PDE4D: variants seen among roughly 807,000 people sequenced by gnomAD.
PDE4D encodes the protein phosphodiesterase 4D.
A neutral mutation model predicts 87.4 loss-of-function variants in PDE4D; 24 were observed. That is an observed-to-expected ratio of 0.27 (90% confidence interval 0.20 to 0.39). The LOEUF is 0.39. Among genes scored for constraint, PDE4D ranks in the 10% least tolerant of loss-of-function variants. The pLI is 1.00. For synonymous variants in PDE4D, 384 were observed against 383.2 expected, an observed-to-expected ratio of 1.00 and a Z score of -0.02; for missense variants, 714 against 1,041.0, an observed-to-expected ratio of 0.69 and a Z score of 4.32.
intron 1 of PDE4D, among the ~76,000 whole-genome samples, chr5:60,217,665 T>C (rs1744016677): frequency 6.6e-6 from 1 of 151,886 alleles, no homozygotes; most frequent in African/African-American, 2.4e-5. Flanking sequence ...ATTTGATTTT[T>C]TTACATATTT....
intron 5 of PDE4D, among the ~76,000 whole-genome samples, chr5:59,161,568 TGTG>T (rs1361689667): frequency 1.3e-5 from 2 of 152,152 alleles, no homozygotes. Context: ...ACTTAAGGTC[TGTG>T]GTGATGTTAA....
chr5:58,996,968 G>C lies in PDE4D; in HGVS notation c.922-3503C>G, dbSNP rs531217302. ...GTTTAAAACACAAAAACATGGATTG[G>C]AGAAATCCTCCATCACATGCCCACC... On this transcript the variant is annotated intron_variant, in intron 6 of 14. Transcript: ENST00000340635. Among the ~76,000 whole-genome samples, 191 of 152,142 alleles carry C rather than the reference G, an allele frequency of 1.3e-3. 1 individual carries two copies. In the Middle Eastern group the frequency reaches 0.014, roughly 11 times the overall value.
intron 1 of PDE4D, chr5:59,586,630 C>G: frequency 8.3e-7 from 1 of 1,209,960 alleles, no homozygotes; most frequent in Non-Finnish European, 1.0e-6. Context: ...TTAGGTTCCA[C>G]TAGTTAGTCA....
intron 1 of PDE4D, among the ~76,000 whole-genome samples, chr5:60,507,578 T>TTGCC (rs1318361592): frequency 6.6e-6 from 1 of 152,200 alleles, no homozygotes; most frequent in African/African-American, 2.4e-5. Context: ...CATACCAATT[T>TTGCC]ATACTGCCAC....
intron 1 of PDE4D, among the ~76,000 whole-genome samples, chr5:60,231,912 TAAAC>T (rs1166323070): frequency 6.6e-6 from 1 of 151,928 alleles, no homozygotes; most frequent in African/African-American, 2.4e-5. Context: ...AAAAATGAGT[TAAAC>T]AGACAATAAA....
chr5:59,506,458 T>G (rs1212778005), intron 1 of PDE4D, among the ~76,000 whole-genome samples: 1 of 152,048 alleles, frequency 6.6e-6, no homozygotes, highest in Admixed American at 6.6e-5. Context: ...AATCAACAGG[T>G]ATATAGTTTA....
rs148499684 is a variant in PDE4D, at chr5:60,271,040, C to T, written c.-89-85353G>A. ...AGTTGATGTTCTCTTCATTTTAGTA[C>T]GAGGTTACTATTATTTTCTATAGCC... On this transcript the variant is annotated intron_variant, in intron 1 of 16. Coordinates refer to the PDE4D transcript ENST00000502484. Among the ~76,000 whole-genome samples, 937 of 152,154 alleles carry T rather than the reference C, an allele frequency of 6.2e-3. 9 individuals are homozygous for T. The highest frequency in any genetic ancestry group is 0.022 in the African/African-American group (896 of 41,520).
chr5:59,991,438 A>G (rs1762997796), intron 2 of PDE4D, among the ~76,000 whole-genome samples: 1 of 152,168 alleles, frequency 6.6e-6, no homozygotes, highest in Admixed American at 6.6e-5. Context: ...AATGGCTTGG[A>G]GATATCAGAA....
chr5:59,598,176 T>C (rs939420643), intron 1 of PDE4D, among the ~76,000 whole-genome samples: 1 of 152,180 alleles, frequency 6.6e-6, no homozygotes. Context: ...TGATTTTATC[T>C]GTTGTTTTTA....
chr5:59,865,116 C>T (rs1208620769), intron 1 of PDE4D, among the ~76,000 whole-genome samples: 1 of 152,178 alleles, frequency 6.6e-6, no homozygotes, highest in African/African-American at 2.4e-5. Context: ...ACATTTCTTT[C>T]TGGGAGTGAA....
In PDE4D at chr5:60,200,511, T is replaced by C. The variant is rs1741779012; in HGVS notation, c.-89-14824A>G. On this transcript the variant is annotated intron_variant, in intron 1 of 16. Transcript: ENST00000502484. ...TTAATGGGAACAATGGCTCTACAGC[T>C]AGAATCTAGAGCTAGAAAATTTGCT... Among the ~76,000 whole-genome samples, 8 of 144,800 alleles carry C rather than the reference T, an allele frequency of 5.5e-5. 1 individual carries two copies. The South Asian group carries it at 1.7e-3, about 30-fold the overall frequency. 95.0% of individuals were successfully genotyped at this position (144,800 alleles called of 152,430 possible).
At chr5:59,169,768 T>C (rs1378982405) in intron 5 of PDE4D, among the ~76,000 whole-genome samples, 1 of 152,200 alleles carries the variant, frequency 6.6e-6, no homozygotes, top group African/African-American at 2.4e-5. Flanking sequence ...TTCTTCAGTA[T>C]TCCATTATTC....
chr5:59,044,241 T>C (rs937629401), intron 5 of PDE4D, among the ~76,000 whole-genome samples: 1 of 152,218 alleles, frequency 6.6e-6, no homozygotes, highest in African/African-American at 2.4e-5. Context: ...TTTTAATGAT[T>C]GCCATTCTAA....
intron 1 of PDE4D, among the ~76,000 whole-genome samples, chr5:59,583,163 C>T (rs145462938): frequency 2.0e-5 from 3 of 152,240 alleles, no homozygotes; most frequent in East Asian, 3.9e-4. Flanking sequence ...AGTATTTTTA[C>T]AAATAAGATT....
chr5:60,460,676 G>T, intron 1 of PDE4D: 1 of 1,028,800 alleles, frequency 9.7e-7, no homozygotes, highest in South Asian at 1.3e-5. Context: ...TCCGGTCCCA[G>T]AGCAGGAGGC....
intron 2 of PDE4D, among the ~76,000 whole-genome samples, chr5:59,198,667 C>T (rs1013198880): frequency 4.6e-5 from 7 of 152,178 alleles, no homozygotes; most frequent in African/African-American, 1.7e-4. Context: ...CAACAGTATA[C>T]TATTGTCTTT....
At chr5:59,977,110 C>T (rs893333560) in intron 3 of PDE4D, among the ~76,000 whole-genome samples, 7 of 152,172 alleles carry the variant, frequency 4.6e-5, no homozygotes, top group East Asian at 1.9e-4. Flanking sequence ...ACAGGTCTCT[C>T]GCATTAAGTC....
chr5:60,447,905 C>T (rs1480892239), intron 1 of PDE4D, among the ~76,000 whole-genome samples: 1 of 152,074 alleles, frequency 6.6e-6, no homozygotes, highest in Non-Finnish European at 1.5e-5. Context: ...TCTTACTGGC[C>T]ACAGTTCTTT....
chr5:59,818,841 C>G (rs1328514528), intron 1 of PDE4D, among the ~76,000 whole-genome samples: 2 of 148,378 alleles, frequency 1.3e-5, no homozygotes, highest in African/African-American at 5.0e-5. Context: ...CTCTAGTTTC[C>G]CTGGGGAAGA....
Sources: gnomAD v4.1 joint callset for allele counts (sites outside exome capture counted in the v4.1 genomes callset) on GRCh38, gnomAD v4.1.1 for gene constraint, MANE v1.5 for transcripts, NCBI Gene and HGNC (gene_info 2026-07-23, HGNC 2026-07-21) for gene names.